ADGRL2: variants seen among roughly 807,000 people sequenced by gnomAD.
ADGRL2 encodes calcium-independent alpha-latrotoxin receptor 2.
Under a neutral mutation model 157.4 loss-of-function variants are expected in ADGRL2, and 44 were observed. The observed-to-expected ratio is 0.28, with a 90% CI of 0.22 to 0.36. The LOEUF is 0.36. ADGRL2 is among the 10% of genes least tolerant of loss of function. The pLI is 1.00. For missense variants in ADGRL2, 1,510 were observed against 1,768.9 expected, an observed-to-expected ratio of 0.85 and a Z score of 2.63; for synonymous variants, 585 against 624.7, an observed-to-expected ratio of 0.94 and a Z score of 0.95.
At chr1:81,328,380 A>G (rs1340674145) in intron 1 of ADGRL2, among the ~76,000 whole-genome samples, 1 of 152,084 alleles carries the variant, frequency 6.6e-6, no homozygotes, top group Non-Finnish European at 1.5e-5. Context: ...GAAACATCGA[A>G]TTGTGCTACC....
intron 3 of ADGRL2, among the ~76,000 whole-genome samples, chr1:81,604,620 C>G (rs150941679): frequency 6.6e-6 from 1 of 152,134 alleles, no homozygotes; most frequent in Non-Finnish European, 1.5e-5. Context: ...ACTTTCAGTG[C>G]TAAAATCAAG....
intron 3 of ADGRL2, among the ~76,000 whole-genome samples, chr1:81,592,143 C>T (rs2081145565): frequency 6.6e-6 from 1 of 152,158 alleles, no homozygotes; most frequent in African/African-American, 2.4e-5. Flanking sequence ...TTTCCCCATA[C>T]CTCTCAAAGC....
intron 2 of ADGRL2, among the ~76,000 whole-genome samples, chr1:81,893,755 A>G (rs2094321872): frequency 6.6e-6 from 1 of 152,152 alleles, no homozygotes; most frequent in South Asian, 2.1e-4. Context: ...AAGTAGTATT[A>G]CTTCTTTTTT....
rs1174017855 is a variant in ADGRL2 at position 81,419,235 on chromosome 1, G to A, written c.-301-25801G>A. Among the ~76,000 whole-genome samples the A allele has an allele frequency of 2.6e-5, 4 of 151,874 alleles. 1 individual carries two copies. Among genetic ancestry groups the A allele is most frequent in the African/African-American group, 4.8e-5 (2 of 41,332 alleles). Reference sequence around the variant, plus strand: ...TTTATTTATTTAGAGACGGAGTCTTGCTCTGTCACCCAGTCTGGAGTGCAG... The same window carrying A: ...TTTATTTATTTAGAGACGGAGTCTTACTCTGTCACCCAGTCTGGAGTGCAG... On this transcript the variant is annotated intron_variant, in intron 1 of 24. Coordinates refer to the ADGRL2 transcript ENST00000370721.
chr1:81,341,542 G>A (rs980343323), intron 1 of ADGRL2, among the ~76,000 whole-genome samples: 2 of 151,928 alleles, frequency 1.3e-5, no homozygotes, highest in African/African-American at 2.4e-5. Flanking sequence ...TCAAACATCA[G>A]ATTTCTCAAC....
chr1:81,872,014 T>C (rs1045658151), intron 2 of ADGRL2, among the ~76,000 whole-genome samples: 1 of 152,196 alleles, frequency 6.6e-6, no homozygotes, highest in Non-Finnish European at 1.5e-5. Context: ...CCCATGCCTA[T>C]GTCCTGAATG....
At chr1:81,721,719 A>C in intron 1 of ADGRL2, 5 of 1,370,400 alleles carry the variant, frequency 3.6e-6, no homozygotes, top group Non-Finnish European at 5.1e-6. Flanking sequence ...GTGAACGAGC[A>C]GGCCCTTGTG....
chr1:81,740,374 T>A (rs1419264313), intron 1 of ADGRL2, among the ~76,000 whole-genome samples: 1 of 152,194 alleles, frequency 6.6e-6, no homozygotes, highest in African/African-American at 2.4e-5. Flanking sequence ...TCTAGTTTAT[T>A]TAGTAGCCAT....
chr1:81,581,874 G>GCACACACACA (rs869309464), intron 3 of ADGRL2, among the ~76,000 whole-genome samples: 74 of 83,552 alleles, frequency 8.9e-4, no homozygotes, highest in Non-Finnish European at 1.4e-3. Context: ...ACACATGCGC[G>GCACACACACA]CACACACACA....
intron 2 of ADGRL2, among the ~76,000 whole-genome samples, chr1:81,869,851 T>G (rs2093646334): frequency 1.3e-5 from 2 of 152,078 alleles, no homozygotes; most frequent in Admixed American, 1.3e-4. Context: ...CAAGTGTAAT[T>G]TTGAATTCCT....
intron 3 of ADGRL2, among the ~76,000 whole-genome samples, chr1:81,650,574 C>CAAAAAAAAAAAAAA (rs1180168819): frequency 1.6e-5 from 1 of 62,362 alleles, no homozygotes; most frequent in Non-Finnish European, 3.3e-5. Context: ...GACTCCATCT[C>CAAAAAAAAAAAAAA]AAAAAAAAAA....
intron 1 of ADGRL2, among the ~76,000 whole-genome samples, chr1:81,713,836 T>A (rs757060984): frequency 7.9e-5 from 12 of 152,192 alleles, no homozygotes; most frequent in Admixed American, 1.3e-4. Context: ...GCTGCCTTGA[T>A]ATTAGGTAGA....
rs1457762755 is a variant in ADGRL2 at position 81,691,889 on chromosome 1, T to C, written c.-142-69922T>C. Among the ~76,000 whole-genome samples the C allele has an allele frequency of 2.7e-5, 4 of 147,842 alleles. No homozygotes were observed. The Admixed American group carries it at 2.8e-4, about 10-fold the overall frequency. ...ATGGGTGTGTGTGTGTGTATATATATATATATGTATGTGTATATAGATATA... is the reference window on the plus strand; with the variant it reads ...ATGGGTGTGTGTGTGTGTATATATACATATATGTATGTGTATATAGATATA... On this transcript the variant is annotated intron_variant, in intron 3 of 24. Transcript: ENST00000370721.
chr1:81,340,125 A>G (rs1661961357), intron 1 of ADGRL2, among the ~76,000 whole-genome samples: 1 of 152,222 alleles, frequency 6.6e-6, no homozygotes, highest in Admixed American at 6.5e-5. Flanking sequence ...TAATCATACT[A>G]TATTTGCAAG....
At position 81,887,687 on chromosome 1, in the gene ADGRL2, G is replaced by A. The variant is rs140609121; in HGVS notation, c.74-19330G>A. ...TCCTTAAGTAGCATTATATCATTAT[G>A]TTATTTCAATAGAATTTGTCACATG... On this transcript the variant is annotated intron_variant, in intron 2 of 23. Transcript: ENST00000686636. 6.4e-3 allele frequency among the ~76,000 whole-genome samples: 975 copies of A among 152,260 alleles called. 3 individuals carry two copies. Among genetic ancestry groups the A allele is most frequent in the African/African-American group, 0.02 (835 of 41,558 alleles).
At chr1:81,443,330 G>T (rs2077542639) in intron 1 of ADGRL2, among the ~76,000 whole-genome samples, 1 of 151,818 alleles carries the variant, frequency 6.6e-6, no homozygotes, top group Non-Finnish European at 1.5e-5. Flanking sequence ...GCTGAGGCAG[G>T]AGAATCACTT....
intron 1 of ADGRL2, among the ~76,000 whole-genome samples, chr1:81,829,448 A>G (rs2091776749): frequency 1.3e-5 from 2 of 152,226 alleles, no homozygotes; most frequent in South Asian, 4.1e-4. Flanking sequence ...AATCGGGACT[A>G]ACCCCAGCTA....
At chr1:81,805,835 A>G (rs981026717) in intron 1 of ADGRL2, among the ~76,000 whole-genome samples, 4 of 152,074 alleles carry the variant, frequency 2.6e-5, no homozygotes, top group African/African-American at 7.2e-5. Flanking sequence ...AAACAACATT[A>G]TCCTTTACAG....
intron 3 of ADGRL2, among the ~76,000 whole-genome samples, chr1:81,634,402 A>C (rs1242635730): frequency 6.6e-6 from 1 of 152,040 alleles, no homozygotes; most frequent in Non-Finnish European, 1.5e-5. Flanking sequence ...AGTGGACTTT[A>C]AAAAGGCAAA....
Sources: gnomAD v4.1 joint callset for allele counts (sites outside exome capture counted in the v4.1 genomes callset) on GRCh38, gnomAD v4.1.1 for gene constraint, MANE v1.5 for transcripts, NCBI Gene and HGNC (gene_info 2026-07-23, HGNC 2026-07-21) for gene names.